ATRNL1: variants seen among roughly 807,000 people sequenced by gnomAD.
The protein encoded by ATRNL1 is attractin-like protein 1.
A neutral mutation model predicts 182.7 loss-of-function variants in ATRNL1; 95 were observed. The ratio of observed to expected loss-of-function variants is 0.52; its 90% CI spans 0.44 to 0.62. The LOEUF (loss-of-function observed/expected upper bound fraction) is 0.62, where lower values mean the gene tolerates loss of function less well. Among genes scored for constraint, ATRNL1 ranks in the 20% least tolerant of loss-of-function variants. ATRNL1 has a pLI of 0.00. For synonymous variants in ATRNL1, 576 were observed against 568.3 expected (o/e 1.01, Z -0.19); for missense variants, 1,471 against 1,679.5 (o/e 0.88, Z 2.17).
At chr10:115,431,689 A>G (rs1388285632) in intron 21 of ATRNL1, among the ~76,000 whole-genome samples, 2 of 152,138 alleles carry the variant, frequency 1.3e-5, no homozygotes, top group African/African-American at 4.8e-5. Context: ...AGATCCATAC[A>G]TGTTTTAATC....
intron 28 of ATRNL1, among the ~76,000 whole-genome samples, chr10:115,934,829 T>A (rs1469376780): frequency 1.3e-5 from 2 of 152,216 alleles, no homozygotes; most frequent in Non-Finnish European, 1.5e-5. Context: ...CTAAGGCCAC[T>A]TTATGGACCC....
chr10:115,544,760 A>G (rs1421015193), intron 25 of ATRNL1, among the ~76,000 whole-genome samples: 2 of 152,222 alleles, frequency 1.3e-5, no homozygotes, highest in Admixed American at 1.3e-4. Flanking sequence ...ACTGCTTCAC[A>G]TGGTCATTTA....
At chr10:115,131,838 T>A (rs1017557438) in intron 5 of ATRNL1, among the ~76,000 whole-genome samples, 12 of 152,348 alleles carry the variant, frequency 7.9e-5, no homozygotes, top group South Asian at 2.1e-4. Flanking sequence ...GTATATTTTT[T>A]AAAAATGAGT....
chr10:115,201,683 C>G (rs1251655692), intron 8 of ATRNL1, among the ~76,000 whole-genome samples: 1 of 152,038 alleles, frequency 6.6e-6, no homozygotes, highest in African/African-American at 2.4e-5. Flanking sequence ...CAGCTTTGTT[C>G]TTTTGGCTTA....
At chr10:115,389,552 A>ATG (rs1213184027) in intron 19 of ATRNL1, among the ~76,000 whole-genome samples, 12 of 66,724 alleles carry the variant, frequency 1.8e-4, no homozygotes, top group African/African-American at 5.1e-4. Context: ...ATATATATAT[A>ATG]TATATATATA....
In ATRNL1 at chr10:115,093,607, G is replaced by A; in HGVS notation, c.-144G>A. 1.0e-6 allele frequency: 1 copy of A among 962,970 alleles called. No individual in the cohort carries two copies. Among genetic ancestry groups the A allele is most frequent in the Non-Finnish European group, 1.6e-6 (1 of 637,178 alleles). The allele number at this position is 962,970 out of a possible 1,614,324, so 59.7% of individuals were successfully genotyped here. A position where few individuals can be genotyped will look rare whatever the true frequency, so the allele number is the denominator to read the frequency against. On this transcript the variant is annotated 5_prime_UTR_variant, in exon 1 of 29. Transcript: ENST00000355044. This position sits in a 1 kb window ranked among gnomAD's most constrained non-coding sequence, Gnocchi z 6.1. ...ACGGCGGTTGGGATCTGTCCCTCCT[G>A]ACCGGGGAGCGGGACTCGGACGGGC...
At chr10:115,549,558 CT>C in intron 26 of ATRNL1, 22 bp downstream of exon 26, 1 of 1,525,502 alleles carries the variant, frequency 6.6e-7, no homozygotes, top group Non-Finnish European at 8.9e-7. Context: ...ATTATTTAAT[CT>C]TTTGTTTAAA....
chr10:115,483,344 G>C (rs561390317), intron 24 of ATRNL1, among the ~76,000 whole-genome samples: 1 of 151,534 alleles, frequency 6.6e-6, no homozygotes, highest in South Asian at 2.1e-4. Context: ...AGGGCATCTT[G>C]ACTGAAGCTT....
chr10:115,177,178 C>T (rs897609102), intron 8 of ATRNL1, among the ~76,000 whole-genome samples: 6 of 152,122 alleles, frequency 3.9e-5, no homozygotes, highest in Admixed American at 3.9e-4. Context: ...GCCTCAAGTA[C>T]AATCATTACT....
intron 14 of ATRNL1, among the ~76,000 whole-genome samples, chr10:115,285,783 AT>A (rs1435858725): frequency 6.6e-6 from 1 of 152,212 alleles, no homozygotes; most frequent in East Asian, 1.9e-4. Flanking sequence ...TAGAAATTAG[AT>A]TTAGAGGTCA....
At chr10:115,333,340 G>T (rs11197169) in intron 18 of ATRNL1, among the ~76,000 whole-genome samples, 1,977 of 152,134 alleles carry the variant, frequency 0.013, 40 homozygotes, top group African/African-American at 0.046. Context: ...TCGAAACATG[G>T]AAGTCTCAGT....
chr10:115,617,225 C>G (rs1256405464), intron 26 of ATRNL1, among the ~76,000 whole-genome samples: 1 of 152,232 alleles, frequency 6.6e-6, no homozygotes, highest in African/African-American at 2.4e-5. Context: ...CATTTAATGA[C>G]TGCCCTACTT....
chr10:115,259,523 C>T (rs1554908129), intron 10 of ATRNL1, among the ~76,000 whole-genome samples: 1 of 152,184 alleles, frequency 6.6e-6, no homozygotes, highest in East Asian at 1.9e-4. Context: ...TAGTCTGTCA[C>T]AGCTTCCCTT....
chr10:115,374,406 T>G (rs1295735710), intron 19 of ATRNL1, among the ~76,000 whole-genome samples: 1 of 151,500 alleles, frequency 6.6e-6, no homozygotes, highest in Non-Finnish European at 1.5e-5. Context: ...CACTTTGGAC[T>G]CAACTTTCTT....
At chr10:115,536,302 A>C (rs1851991899) in intron 25 of ATRNL1, among the ~76,000 whole-genome samples, 2 of 152,116 alleles carry the variant, frequency 1.3e-5, no homozygotes, top group Admixed American at 1.3e-4. Context: ...TACCTAAGCA[A>C]GCCTGGGCAA....
intron 28 of ATRNL1, among the ~76,000 whole-genome samples, chr10:115,912,659 TA>T (rs1301782047): frequency 6.6e-6 from 1 of 151,768 alleles, no homozygotes; most frequent in Non-Finnish European, 1.5e-5. Flanking sequence ...TTTATAAAAG[TA>T]GAAAATTGAC....
chr10:115,215,492 G>A (rs1849193013), intron 8 of ATRNL1, among the ~76,000 whole-genome samples: 1 of 151,988 alleles, frequency 6.6e-6, no homozygotes, highest in African/African-American at 2.4e-5. Context: ...TTCATCTATG[G>A]AAAGACCAGT....
intron 8 of ATRNL1, among the ~76,000 whole-genome samples, chr10:115,183,767 T>C (rs1297360147): frequency 6.6e-6 from 1 of 151,512 alleles, no homozygotes; most frequent in Non-Finnish European, 1.5e-5. Context: ...TGTAGGTTGT[T>C]TTAGAGAATG....
At chr10:115,836,845 G>A (rs1555095608) in intron 27 of ATRNL1, among the ~76,000 whole-genome samples, 1 of 152,172 alleles carries the variant, frequency 6.6e-6, no homozygotes, top group African/African-American at 2.4e-5. Context: ...CTTCCCAGTT[G>A]ATACCTGTAT....
Sources: allele counts gnomAD v4.1 joint callset (sites outside exome capture counted in the v4.1 genomes callset), GRCh38; gene constraint gnomAD v4.1.1; non-coding constraint Gnocchi (gnomAD v3.1); transcripts MANE v1.5; gene names NCBI Gene and HGNC (gene_info 2026-07-23, HGNC 2026-07-21).